Variants in ART1 observed in about 807,000 individuals in gnomAD.
The protein encoded by ART1 is ADP-ribosyltransferase 1, also known as GPI-linked NAD(P)(+)--arginine ADP-ribosyltransferase 1.
A neutral mutation model predicts 27.0 loss-of-function variants in ART1; 29 were observed. The ratio of observed to expected loss-of-function variants is 1.08; its 90% CI spans 0.80 to 1.47. The LOEUF is 1.47. Among genes scored for constraint, ART1 ranks in the 40% most tolerant of loss-of-function variants. ART1 has a pLI of 0.00. For missense variants in ART1, 480 were observed against 423.0 expected (o/e 1.13, Z -1.18); for synonymous variants, 201 against 172.2 (o/e 1.17, Z -1.31).
rs112941444 is a variant in ART1 at position 3,663,086 on chromosome 11, C to CTCA, written c.887-1000_887-998dup. Among the ~76,000 whole-genome samples the CTCA allele has an allele frequency of 2.6e-4, 18 of 67,942 alleles. No individual in the cohort carries two copies. In the Admixed American group the frequency reaches 3.4e-3, roughly 13 times the overall value. The allele number at this position is 67,942 out of a possible 152,430, so 44.6% of individuals were successfully genotyped here. A position where few individuals can be genotyped will look rare whatever the true frequency, so the allele number is the denominator to read the frequency against. On this transcript the variant is annotated intron_variant, in intron 4 of 4. Transcript: ENST00000250693. ...ATCTCATCTCATCTCATCATCTCAT[C>CTCA]TCATCATCTCATCTCATCTCATCTC...
At chr11:3,645,455 G>A (rs1201116666) in intron 1 of ART1, among the ~76,000 whole-genome samples, 4 of 152,248 alleles carry the variant, frequency 2.6e-5, no homozygotes, top group South Asian at 2.1e-4. Flanking sequence ...AGGGAGGACA[G>A]AAGCGCAGCT....
chr11:3,652,675 A>G (rs887986585), intron 1 of ART1, among the ~76,000 whole-genome samples: 2 of 151,810 alleles, frequency 1.3e-5, no homozygotes, highest in African/African-American at 4.9e-5. Flanking sequence ...TGTCATCCCT[A>G]CTATCTTCTG....
At chr11:3,658,979 A>C (rs1258867610) in intron 1 of ART1, among the ~76,000 whole-genome samples, 183 bp from the exon 2 acceptor site, 1 of 91,312 alleles carries the variant, frequency 1.1e-5, no homozygotes, top group Non-Finnish European at 2.7e-5. Context: ...TGTTCATCCT[A>C]CAAGACCTGT....
intron 1 of ART1, among the ~76,000 whole-genome samples, chr11:3,651,819 G>A (rs1235278449): frequency 2.0e-5 from 3 of 151,122 alleles, no homozygotes; most frequent in African/African-American, 7.3e-5. Context: ...TACCACACCT[G>A]ACCCCCATGA....
Position 3,659,166 on chromosome 11 carries a change from G to A in ART1, c.-48G>A. 1.3e-6 allele frequency: 2 copies of A among 1,589,408 alleles called. No homozygotes were observed. The highest frequency in any genetic ancestry group is 2.2e-5 in the East Asian group (1 of 44,734). ...ATTAACACTGCAATTTTCCAGATGA[G>A]GAAACTGAGACCCAAAAAGAGACAG... On this transcript the variant is annotated 5_prime_UTR_variant, in exon 2 of 5. Coordinates refer to ENST00000250693, the MANE Select transcript of ART1 (RefSeq NM_004314.3).
At chr11:3,650,152 G>A (rs534589119) in intron 1 of ART1, among the ~76,000 whole-genome samples, 87 of 152,254 alleles carry the variant, frequency 5.7e-4, no homozygotes, top group South Asian at 3.3e-3. Context: ...ACTTCCACAC[G>A]CCTGAACTGC....
chr11:3,656,090 G>A (rs1394983929), intron 1 of ART1, among the ~76,000 whole-genome samples: 2 of 151,872 alleles, frequency 1.3e-5, no homozygotes, highest in African/African-American at 2.4e-5. Context: ...ACAACACCAC[G>A]CCCAGCTAAT....
Position 3,658,348 on chromosome 11 carries a change from A to G in ART1, c.-52-814A>G, listed in dbSNP as rs78823025. Among the ~76,000 whole-genome samples the G allele has an allele frequency of 3.4e-3, 515 of 151,178 alleles. 2 individuals carry two copies. Among genetic ancestry groups the G allele is most frequent in the African/African-American group, 0.012 (477 of 41,224 alleles). ...ACTTGGTCTCGGAAAAAAAAAAAAAAAGAGAGAGAAAGAAAAAAAAGGAAA... is the reference window on the plus strand; with the variant it reads ...ACTTGGTCTCGGAAAAAAAAAAAAAGAGAGAGAGAAAGAAAAAAAAGGAAA... On this transcript the variant is annotated intron_variant, in intron 1 of 4. Transcript: ENST00000250693.
At chr11:3,652,596 G>A (rs1351294900) in intron 1 of ART1, among the ~76,000 whole-genome samples, 2 of 152,062 alleles carry the variant, frequency 1.3e-5, no homozygotes, top group African/African-American at 2.4e-5. Context: ...CTGTATAGAC[G>A]CTCCTTTTTA....
rs547462684 is a variant in ART1 at position 3,661,433 on chromosome 11, G to A, written c.886+20G>A. The stretch of plus-strand genomic sequence containing the variant: ...ATTCAGGTAAGGGCTGCAGGCACCT[G>A]TGGGACTCAGTTCAGGGATGAGCAG... On this transcript the variant is annotated intron_variant, in intron 4 of 4. Transcript: ENST00000250693. The A allele has an allele frequency of 2.5e-6, 4 of 1,606,346 alleles. No individual in the cohort carries two copies. In the African/African-American group the frequency reaches 4.0e-5, roughly 16 times the overall value.
At position 3,659,218 on chromosome 11, in the gene ART1, A is replaced by G. The variant is rs1373652740; in HGVS notation, c.5A>G (p.Gln2Arg). Residue 2 changes from glutamine to arginine, a missense_variant, in exon 2 of 5, where the codon CAG (glutamine) becomes CGG (arginine). Transcript: ENST00000250693. ...AACTGGCCCAGGGTCACCAGCATGC[A>G]GATGCCTGCTATGATGTCTCTGCTT... M[Q>R]MPAMMSLLLV... The G allele has an allele frequency of 3.1e-6, 5 of 1,614,188 alleles. No homozygotes were observed. Among genetic ancestry groups the G allele is most frequent in the Non-Finnish European group, 3.4e-6 (4 of 1,180,028 alleles).
At chr11:3,648,292 C>G (rs2077486484) in intron 1 of ART1, among the ~76,000 whole-genome samples, 2 of 152,214 alleles carry the variant, frequency 1.3e-5, no homozygotes, top group Admixed American at 1.3e-4. Context: ...GGTGTCTTCA[C>G]ACGGACGCGC....
At chr11:3,653,501 TC>T (rs1282700768) in intron 1 of ART1, among the ~76,000 whole-genome samples, 1 of 150,864 alleles carries the variant, frequency 6.6e-6, no homozygotes, top group East Asian at 1.9e-4. Flanking sequence ...TCTACCCAAA[TC>T]CTATAAAACG....
intron 1 of ART1, among the ~76,000 whole-genome samples, chr11:3,648,300 C>A (rs532988098): frequency 6.6e-6 from 1 of 152,174 alleles, no homozygotes; most frequent in African/African-American, 2.4e-5. Context: ...CACACGGACG[C>A]GCATGAAATT....
chr11:3,646,706 A>G (rs868626836), intron 1 of ART1, among the ~76,000 whole-genome samples: 5 of 152,056 alleles, frequency 3.3e-5, no homozygotes, highest in Admixed American at 6.5e-5. Context: ...CCTGATTTCA[A>G]TCACCTGTGA....
intron 1 of ART1, among the ~76,000 whole-genome samples, chr11:3,655,219 ACT>A (rs2077562804): frequency 6.6e-6 from 1 of 152,044 alleles, no homozygotes; most frequent in Non-Finnish European, 1.5e-5. Context: ...CAAAGAAAAG[ACT>A]CTCAGTTTCC....
intron 2 of ART1, 75 bp downstream of exon 2, chr11:3,659,351 AAGAG>A (rs1259028371): frequency 1.3e-6 from 2 of 1,595,052 alleles, no homozygotes; most frequent in Non-Finnish European, 1.7e-6. Context: ...TGGAGGGAGA[AAGAG>A]AGAGAGGAAA....
In ART1 at chr11:3,653,669, T is replaced by C. The variant is rs575565390; in HGVS notation, c.-52-5493T>C. ...AGCTTCGTATTTTTTTTAAATCTACTCCGCTTCTCCTCTGTGTTTCTAGTT... is the reference window on the plus strand; with the variant it reads ...AGCTTCGTATTTTTTTTAAATCTACCCCGCTTCTCCTCTGTGTTTCTAGTT... On this transcript the variant is annotated intron_variant, in intron 1 of 4. Coordinates refer to ENST00000250693, the MANE Select transcript of ART1 (RefSeq NM_004314.3). Among the ~76,000 whole-genome samples, 24 of 152,258 alleles carry C rather than the reference T, an allele frequency of 1.6e-4. 1 individual carries two copies. Among genetic ancestry groups the C allele is most frequent in the African/African-American group, 4.3e-4 (18 of 41,518 alleles).
chr11:3,648,634 C>G (rs1053477631), intron 1 of ART1, among the ~76,000 whole-genome samples: 1 of 152,180 alleles, frequency 6.6e-6, no homozygotes, highest in Non-Finnish European at 1.5e-5. Flanking sequence ...CGGCGCCGGT[C>G]ACGGACTGGG....
Sources: allele counts gnomAD v4.1 joint callset (sites outside exome capture counted in the v4.1 genomes callset), GRCh38; gene constraint gnomAD v4.1.1; transcripts MANE v1.5; gene names NCBI Gene and HGNC (gene_info 2026-07-23, HGNC 2026-07-21).